Variants in PPARGC1A observed in about 807,000 individuals in gnomAD.
The protein encoded by PPARGC1A is PPARG coactivator 1 alpha.
In PPARGC1A, 25 loss-of-function variants were observed where a neutral mutation model predicts 88.7. The observed-to-expected ratio is 0.28, with a 90% confidence interval of 0.21 to 0.39. The LOEUF is 0.39. Among genes scored for constraint, PPARGC1A ranks in the 10% least tolerant of loss-of-function variants. The pLI, the probability that PPARGC1A is intolerant of heterozygous loss-of-function variation, is 1.00. For synonymous variants in PPARGC1A, 363 were observed against 355.6 expected (o/e 1.02, Z -0.24); for missense variants, 880 against 968.7 (o/e 0.91, Z 1.22).
intron 7 of PPARGC1A, among the ~76,000 whole-genome samples, chr4:23,822,521 A>G (rs1723186817): frequency 6.6e-6 from 1 of 152,046 alleles, no homozygotes; most frequent in Non-Finnish European, 1.5e-5. Flanking sequence ...TTAAACTTGA[A>G]CTATGCTGCA....
At chr4:24,457,094 G>A in the PPARGC1A span, among the ~76,000 whole-genome samples, 1 of 152,178 alleles carries the variant, frequency 6.6e-6, no homozygotes, top group Non-Finnish European at 1.5e-5. Flanking sequence ...AATTTCACTG[G>A]GAGGTATGGG....
rs75325427 is a variant in PPARGC1A, at chr4:23,850,939, C to T, written c.235-19188G>A. The stretch of plus-strand genomic sequence containing the variant: ...TTACCTTTATAGGTATACATTTAAA[C>T]TTAATTGTTAATTTTATTTTCAAGA... On this transcript the variant is annotated intron_variant, in intron 2 of 12. Transcript: ENST00000264867. Among the ~76,000 whole-genome samples, 1,169 of 152,260 alleles carry T rather than the reference C, an allele frequency of 7.7e-3. 23 individuals carry two copies. The highest frequency in any genetic ancestry group is 0.063 in the South Asian group (304 of 4,818).
the PPARGC1A span, among the ~76,000 whole-genome samples, chr4:23,915,632 T>G: frequency 4.6e-5 from 7 of 152,212 alleles, no homozygotes; most frequent in African/African-American, 1.7e-4. Flanking sequence ...AGCTCTAGAA[T>G]AATGCCTGGC....
At chr4:24,439,028 G>A in the PPARGC1A span, among the ~76,000 whole-genome samples, 1 of 151,932 alleles carries the variant, frequency 6.6e-6, no homozygotes, top group Non-Finnish European at 1.5e-5. Flanking sequence ...ACTGGAAAAG[G>A]ATGAGATACA....
the PPARGC1A span, among the ~76,000 whole-genome samples, chr4:23,945,093 G>T: frequency 6.6e-6 from 1 of 151,990 alleles, no homozygotes; most frequent in African/African-American, 2.4e-5. Context: ...ATAGAATAGT[G>T]CCAGGTACAT....
chr4:24,442,289 G>A, the PPARGC1A span, among the ~76,000 whole-genome samples: 1 of 152,062 alleles, frequency 6.6e-6, no homozygotes, highest in Non-Finnish European at 1.5e-5. Context: ...AAAGAAAAAT[G>A]TCAGTAGATG....
At chr4:23,824,620 A>G in intron 5 of PPARGC1A, 112 bp from the exon 6 acceptor site, 1 of 916,652 alleles carries the variant, frequency 1.1e-6, no homozygotes, top group Non-Finnish European at 1.7e-6. Flanking sequence ...AGACTAAACT[A>G]AGGAATTCTC....
intron 10 of PPARGC1A, among the ~76,000 whole-genome samples, chr4:23,807,993 A>G (rs550841485): frequency 6.6e-6 from 1 of 152,214 alleles, no homozygotes; most frequent in South Asian, 2.1e-4. Context: ...CCAAAAAAGA[A>G]TAACTCTGAG....
At chr4:24,080,188 C>T in the PPARGC1A span, among the ~76,000 whole-genome samples, 3 of 151,954 alleles carry the variant, frequency 2.0e-5, no homozygotes, top group African/African-American at 4.8e-5. Context: ...GAAGATGACA[C>T]CTATCTCCAT....
At chr4:24,454,478 G>A in the PPARGC1A span, among the ~76,000 whole-genome samples, 3 of 152,156 alleles carry the variant, frequency 2.0e-5, no homozygotes, top group African/African-American at 7.2e-5. Flanking sequence ...GTTCACACCT[G>A]TAATTCCAGC....
chr4:23,795,958 A>G, intron 12 of PPARGC1A, 33 bp from the exon 13 acceptor site: 2 of 1,493,286 alleles, frequency 1.3e-6, no homozygotes, highest in Non-Finnish European at 1.9e-6. Context: ...TTAGATACAC[A>G]CTTTGCTGAT....
chr4:24,343,792 C>T, the PPARGC1A span, among the ~76,000 whole-genome samples: 1 of 151,684 alleles, frequency 6.6e-6, no homozygotes, highest in Non-Finnish European at 1.5e-5. Flanking sequence ...TATTTGGTTA[C>T]ATGAGTAAGT....
At chr4:23,855,828 T>G (rs7657517) in intron 2 of PPARGC1A, among the ~76,000 whole-genome samples, 38,746 of 151,944 alleles carry the variant, frequency 0.26, 7,179 homozygotes, top group African/African-American at 0.53. Flanking sequence ...GGAGAAGTGA[T>G]GTAGGAGGGG....
the PPARGC1A span, among the ~76,000 whole-genome samples, chr4:24,280,135 G>C: frequency 6.6e-6 from 1 of 152,150 alleles, no homozygotes; most frequent in Admixed American, 6.5e-5. Context: ...GCAGAGATCA[G>C]TGGAAGCGTC....
chr4:24,050,926 G>A, the PPARGC1A span, among the ~76,000 whole-genome samples: 10 of 152,078 alleles, frequency 6.6e-5, no homozygotes, highest in African/African-American at 1.9e-4. Context: ...AGTGGCTCAC[G>A]CCTGTAATCC....
At chr4:23,852,485 C>G (rs1455717867) in intron 2 of PPARGC1A, among the ~76,000 whole-genome samples, 1 of 152,170 alleles carries the variant, frequency 6.6e-6, no homozygotes, top group Non-Finnish European at 1.5e-5. Context: ...TGCTCCCCAT[C>G]AAGGCCACAT....
chr4:24,129,719 C>T, the PPARGC1A span, among the ~76,000 whole-genome samples: 1 of 152,094 alleles, frequency 6.6e-6, no homozygotes, highest in African/African-American at 2.4e-5. Context: ...TGGCACTATT[C>T]ACAATAGCAA....
At chr4:24,422,060 T>TG in the PPARGC1A span, among the ~76,000 whole-genome samples, 1 of 152,376 alleles carries the variant, frequency 6.6e-6, no homozygotes, top group Non-Finnish European at 1.5e-5. Flanking sequence ...AACAATTACC[T>TG]AAAGCAGGGG....
chr4:23,806,457 A>T (rs1719824187), intron 10 of PPARGC1A, among the ~76,000 whole-genome samples: 1 of 152,230 alleles, frequency 6.6e-6, no homozygotes, highest in South Asian at 2.1e-4. Flanking sequence ...AAGGAAAAGA[A>T]ATCAAAATGC....
Sources: gnomAD v4.1 joint callset for allele counts (sites outside exome capture counted in the v4.1 genomes callset) on GRCh38, gnomAD v4.1.1 for gene constraint, MANE v1.5 for transcripts, NCBI Gene and HGNC (gene_info 2026-07-23, HGNC 2026-07-21) for gene names.